The following COBLL1 variants were observed in gnomAD, a reference collection of about 807,000 sequenced individuals.
COBLL1 encodes the protein cordon-bleu WH2 repeat protein like 1.
COBLL1 carries 50 observed loss-of-function variants against 94.8 expected under a neutral mutation model. The observed-to-expected ratio is 0.53, with a 90% CI of 0.42 to 0.67. The LOEUF is 0.67. Ranked by LOEUF, COBLL1 falls within the 30% of genes least tolerant of loss-of-function variation. The pLI, the probability that COBLL1 is intolerant of heterozygous loss-of-function variation, is 0.00. For missense variants in COBLL1, 1,362 were observed against 1,348.7 expected, an observed-to-expected ratio of 1.01 and a Z score of -0.15; for synonymous variants, 448 against 473.8, an observed-to-expected ratio of 0.95 and a Z score of 0.71.
At chr2:164,692,155 C>A in intron 13 of COBLL1, 66 bp downstream of exon 13, 1 of 1,417,286 alleles carries the variant, frequency 7.1e-7, no homozygotes, top group South Asian at 1.7e-5. Context: ...AAAATTTTTC[C>A]CTAAGTATTA....
At chr2:164,778,459 C>T (rs1231126061) in intron 2 of COBLL1, among the ~76,000 whole-genome samples, 1 of 152,028 alleles carries the variant, frequency 6.6e-6, no homozygotes, top group Non-Finnish European at 1.5e-5. Flanking sequence ...CAAAACTTAG[C>T]CAGGGTTGTG....
At chr2:164,747,320 T>C (rs1686912343) in intron 2 of COBLL1, among the ~76,000 whole-genome samples, 1 of 152,200 alleles carries the variant, frequency 6.6e-6, no homozygotes, top group Non-Finnish European at 1.5e-5. Flanking sequence ...TACTGCACAC[T>C]GCAGTGAACT....
intron 2 of COBLL1, among the ~76,000 whole-genome samples, chr2:164,789,885 C>T (rs555797159): frequency 1.3e-5 from 2 of 152,334 alleles, no homozygotes; most frequent in South Asian, 2.1e-4. Flanking sequence ...ATATTTTACA[C>T]ACATTGGACT....
At chr2:164,768,944 G>A (rs1290303903) in intron 2 of COBLL1, among the ~76,000 whole-genome samples, 2 of 152,112 alleles carry the variant, frequency 1.3e-5, no homozygotes, top group African/African-American at 2.4e-5. Flanking sequence ...TATTGTAAAT[G>A]TTCACAATTC....
At position 164,828,517 on chromosome 2, in the gene COBLL1, G is replaced by T. The variant is rs564594788; in HGVS notation, c.41+12639C>A. 3.9e-5 allele frequency among the ~76,000 whole-genome samples: 6 copies of T among 152,110 alleles called. No individual in the cohort carries two copies. In the East Asian group the frequency reaches 1.2e-3, roughly 29 times the overall value. The stretch of plus-strand genomic sequence containing the variant: ...ATAAAGCTCTTTATGTAATAAAATG[G>T]AATAATTACAAAGTAGATTGTTAAG... On this transcript the variant is annotated intron_variant, in intron 2 of 13. Transcript: ENST00000652658.
chr2:164,762,667 G>A (rs561234258), intron 2 of COBLL1, among the ~76,000 whole-genome samples: 39 of 151,700 alleles, frequency 2.6e-4, no homozygotes, highest in African/African-American at 7.0e-4. Flanking sequence ...AACAAACTAT[G>A]GCCTACAGGC....
Position 164,823,716 on chromosome 2 carries a change from A to G in COBLL1, c.41+17440T>C, listed in dbSNP as rs561098281. On this transcript the variant is annotated intron_variant, in intron 2 of 13. Coordinates refer to ENST00000652658, the MANE Select transcript of COBLL1 (RefSeq NM_001365672.2). The stretch of plus-strand genomic sequence containing the variant: ...TGGCATGTCTCTCCCATGATTGCCA[A>G]TCACAGGGGATCTTATACATCTTAT... Among the ~76,000 whole-genome samples the G allele has an allele frequency of 7.2e-5, 11 of 152,334 alleles. No individual in the cohort carries two copies. The East Asian group carries it at 1.3e-3, about 19-fold the overall frequency.
intron 2 of COBLL1, among the ~76,000 whole-genome samples, chr2:164,818,063 A>G (rs961177342): frequency 7.3e-5 from 11 of 151,724 alleles, no homozygotes; most frequent in Admixed American, 3.3e-4. Context: ...CCACTGGAAA[A>G]CACACATATA....
rs780534606 is a variant in COBLL1 at position 164,704,435 on chromosome 2, G to C, written c.1225+9C>G. 5 of 1,573,684 alleles carry C rather than the reference G, an allele frequency of 3.2e-6. No homozygotes were observed. The highest frequency in any genetic ancestry group is 4.4e-6 in the Non-Finnish European group (5 of 1,143,392). The stretch of plus-strand genomic sequence containing the variant: ...AGTAATTACACCATGTAGAATAAGG[G>C]TGTCATACCTGGGCTGGATAGCTCC... On this transcript the variant is annotated intron_variant, in intron 9 of 13. Coordinates refer to ENST00000652658, the MANE Select transcript of COBLL1 (RefSeq NM_001365672.2).
At chr2:164,833,517 C>T (rs1270634858) in intron 2 of COBLL1, among the ~76,000 whole-genome samples, 1 of 149,340 alleles carries the variant, frequency 6.7e-6, no homozygotes, top group African/African-American at 2.5e-5. Context: ...GTGGCGTTAT[C>T]CCGGCTCACT....
chr2:164,787,477 TC>T (rs140669836), intron 2 of COBLL1, among the ~76,000 whole-genome samples: 17,397 of 152,164 alleles, frequency 0.11, 1,332 homozygotes, highest in Admixed American at 0.18. Context: ...ACAGTGGTAA[TC>T]ATTTTACAAT....
At chr2:164,794,292 C>T (rs1403806868) in intron 2 of COBLL1, among the ~76,000 whole-genome samples, 5 of 152,154 alleles carry the variant, frequency 3.3e-5, no homozygotes, top group East Asian at 1.9e-4. Context: ...TACCATAAAT[C>T]ATTCCATAGA....
At chr2:164,723,290 A>C (rs1174297096) in intron 5 of COBLL1, 5 of 152,342 alleles carry the variant, frequency 3.3e-5, no homozygotes, top group African/African-American at 9.6e-5. Flanking sequence ...AAGGTTGTAT[A>C]CATAATATTT....
chr2:164,687,937 C>T (rs1277148786), intron 13 of COBLL1, among the ~76,000 whole-genome samples: 2 of 152,246 alleles, frequency 1.3e-5, no homozygotes, highest in African/African-American at 4.8e-5. Context: ...TAAATGTCTC[C>T]ACGTAAAATA....
intron 1 of COBLL1, among the ~76,000 whole-genome samples, chr2:164,666,073 T>C (rs935876067): frequency 5.9e-5 from 9 of 152,236 alleles, no homozygotes; most frequent in African/African-American, 2.2e-4. Flanking sequence ...TTGATCACTA[T>C]ATAGTTTATG....
intron 2 of COBLL1, among the ~76,000 whole-genome samples, chr2:164,776,948 A>G (rs1688493720): frequency 6.6e-6 from 1 of 152,184 alleles, no homozygotes; most frequent in Admixed American, 6.5e-5. Flanking sequence ...TTTACAGAAA[A>G]GTAGTAAAGT....
chr2:164,754,023 G>T (rs147189431), intron 2 of COBLL1, among the ~76,000 whole-genome samples: 1 of 152,050 alleles, frequency 6.6e-6, no homozygotes. Context: ...GTGAGCCACC[G>T]TGCTGGCCCA....
At chr2:164,728,334 C>T in intron 4 of COBLL1, 137 bp from the exon 5 acceptor site, 1 of 595,536 alleles carries the variant, frequency 1.7e-6, no homozygotes, top group East Asian at 2.9e-5. Context: ...GTGTGAAATT[C>T]TCTTTTTGAT....
chr2:164,828,083 C>T (rs1264896325), intron 2 of COBLL1, among the ~76,000 whole-genome samples: 1 of 151,984 alleles, frequency 6.6e-6, no homozygotes, highest in Non-Finnish European at 1.5e-5. Flanking sequence ...AATAACAATT[C>T]GTTGGTTAAT....
Sources: allele counts gnomAD v4.1 joint callset (sites outside exome capture counted in the v4.1 genomes callset), GRCh38; gene constraint gnomAD v4.1.1; transcripts MANE v1.5; gene names NCBI Gene and HGNC (gene_info 2026-07-23, HGNC 2026-07-21).